The following NKAIN2 variants were observed in gnomAD, a reference collection of about 807,000 sequenced individuals.
NKAIN2 encodes the protein sodium/potassium transporting ATPase interacting 2.
NKAIN2 carries 14 observed loss-of-function variants against 32.6 expected under a neutral mutation model. That is an observed-to-expected ratio of 0.43 (90% CI 0.28 to 0.67). The LOEUF (loss-of-function observed/expected upper bound fraction) is 0.67. NKAIN2 is among the 30% of genes least tolerant of loss of function. NKAIN2 has a pLI of 0.17. For synonymous variants in NKAIN2, 80 were observed against 87.2 expected (o/e 0.92, Z 0.46); for missense variants, 198 against 258.3 (o/e 0.77, Z 1.60).
At chr6:123,956,756 C>T (rs1280169404) in intron 1 of NKAIN2, among the ~76,000 whole-genome samples, 1 of 152,106 alleles carries the variant, frequency 6.6e-6, no homozygotes, top group Non-Finnish European at 1.5e-5. Flanking sequence ...ATCCAAGTTA[C>T]AAGTTGCGTT....
chr6:124,720,033 A>C (rs1041862956), intron 4 of NKAIN2, among the ~76,000 whole-genome samples: 1 of 152,092 alleles, frequency 6.6e-6, no homozygotes, highest in Non-Finnish European at 1.5e-5. Context: ...TTAGATCCTC[A>C]TTCTTTCTTT....
At chr6:124,371,700 A>AC (rs1799769652) in intron 3 of NKAIN2, among the ~76,000 whole-genome samples, 1 of 151,472 alleles carries the variant, frequency 6.6e-6, no homozygotes, top group Non-Finnish European at 1.5e-5. Context: ...TCTCAAAAAA[A>AC]AAAAAAAAAA....
At chr6:124,371,521 G>A (rs767714523) in intron 3 of NKAIN2, among the ~76,000 whole-genome samples, 19 of 151,646 alleles carry the variant, frequency 1.3e-4, no homozygotes, top group South Asian at 4.1e-4. Flanking sequence ...GTGAAACCCC[G>A]TCTCTACTAA....
chr6:124,532,189 G>A (rs998291607), intron 3 of NKAIN2, among the ~76,000 whole-genome samples: 32 of 151,678 alleles, frequency 2.1e-4, no homozygotes, highest in Non-Finnish European at 2.9e-5. Flanking sequence ...CTACTCTCTC[G>A]TTCTAGAAAG....
At chr6:124,415,878 C>CTTTTTTTTTTTTTTTTTTTTCTT in intron 3 of NKAIN2, among the ~76,000 whole-genome samples, 2 of 72,590 alleles carry the variant, frequency 2.8e-5, no homozygotes, top group Non-Finnish European at 2.6e-5. Flanking sequence ...TTTTTATTTG[C>CTTTTTTTTTTTTTTTTTTTTCTT]TTTTTTTTTT....
At chr6:124,146,387 G>A (rs183021220) in intron 1 of NKAIN2, among the ~76,000 whole-genome samples, 102 of 152,076 alleles carry the variant, frequency 6.7e-4, no homozygotes, top group Middle Eastern at 6.8e-3. Context: ...AGATTGTCAA[G>A]CATTAAAAAT....
At position 123,808,325 on chromosome 6, in the gene NKAIN2, T is replaced by G. The variant is rs994014618; in HGVS notation, c.54+4071T>G. On this transcript the variant is annotated intron_variant, in intron 1 of 6. Transcript: ENST00000368417. Reference sequence around the variant, plus strand: ...AAAATCTTGAAGTTGTTAACCAAACTTACTCATGAAGAAGACTGAAAATCC... The same window carrying G: ...AAAATCTTGAAGTTGTTAACCAAACGTACTCATGAAGAAGACTGAAAATCC... Among the ~76,000 whole-genome samples the G allele has an allele frequency of 1.3e-5, 2 of 152,176 alleles. 1 individual carries two copies. The highest frequency in any genetic ancestry group is 2.9e-5 in the Non-Finnish European group (2 of 68,018).
At chr6:124,222,765 A>G (rs942274829) in intron 1 of NKAIN2, among the ~76,000 whole-genome samples, 1 of 152,176 alleles carries the variant, frequency 6.6e-6, no homozygotes, top group African/African-American at 2.4e-5. Context: ...AATGTGTTGC[A>G]TGGCGGAGAA....
intron 2 of NKAIN2, among the ~76,000 whole-genome samples, chr6:124,299,859 T>C (rs189213647): frequency 5.3e-5 from 8 of 152,318 alleles, no homozygotes; most frequent in Admixed American, 5.2e-4. Flanking sequence ...AACAATGAAG[T>C]GTTGTACTTT....
chr6:124,178,947 A>C (rs1161343638), intron 1 of NKAIN2, among the ~76,000 whole-genome samples: 2 of 152,242 alleles, frequency 1.3e-5, no homozygotes, highest in South Asian at 2.1e-4. Flanking sequence ...ACTATCCTTA[A>C]TGAGAGAATG....
intron 1 of NKAIN2, among the ~76,000 whole-genome samples, chr6:124,282,691 C>T (rs1795356526): frequency 6.6e-6 from 1 of 152,180 alleles, no homozygotes; most frequent in African/African-American, 2.4e-5. Flanking sequence ...TGGTTGATGA[C>T]TTCAAATGTT....
chr6:124,808,611 A>G (rs546014687), intron 5 of NKAIN2, among the ~76,000 whole-genome samples: 6 of 152,316 alleles, frequency 3.9e-5, no homozygotes, highest in South Asian at 2.1e-4. Flanking sequence ...CCTATTCAAC[A>G]TAGTGTTGGA....
rs1037874938 is a variant in NKAIN2 at position 124,267,383 on chromosome 6, C to A, written c.55-15622C>A. On this transcript the variant is annotated intron_variant, in intron 1 of 6. Transcript: ENST00000368417. ...TTTCAGCCAGGCACAGTGGCTCATG[C>A]CTGTAATCCCAGCACTTTGGGATGC... Among the ~76,000 whole-genome samples, 17 of 151,464 alleles carry A rather than the reference C, an allele frequency of 1.1e-4. 1 individual carries two copies. The highest frequency in any genetic ancestry group is 6.6e-5 in the Admixed American group (1 of 15,162).
At chr6:124,344,195 C>CT (rs1407811327) in intron 2 of NKAIN2, among the ~76,000 whole-genome samples, 1 of 152,118 alleles carries the variant, frequency 6.6e-6, no homozygotes, top group African/African-American at 2.4e-5. Context: ...ATCTATATCT[C>CT]TGTTTTGGTA....
At chr6:124,556,925 C>T (rs1048438949) in intron 3 of NKAIN2, among the ~76,000 whole-genome samples, 1 of 151,804 alleles carries the variant, frequency 6.6e-6, no homozygotes, top group Non-Finnish European at 1.5e-5. Flanking sequence ...ATCAAGTAAA[C>T]ATTAGCTGTT....
chr6:124,647,122 TAA>T (rs202124479), intron 3 of NKAIN2, among the ~76,000 whole-genome samples: 1 of 150,224 alleles, frequency 6.7e-6, no homozygotes, highest in Admixed American at 6.6e-5. Flanking sequence ...AGGAAAACTG[TAA>T]AAAAAAAGTC....
At chr6:124,287,494 A>G (rs1428822414) in intron 2 of NKAIN2, among the ~76,000 whole-genome samples, 1 of 152,158 alleles carries the variant, frequency 6.6e-6, no homozygotes, top group Admixed American at 6.5e-5. Context: ...GATAATTGGA[A>G]CAAGAACTCA....
At chr6:124,050,889 G>T (rs999678773) in intron 1 of NKAIN2, among the ~76,000 whole-genome samples, 21 of 151,922 alleles carry the variant, frequency 1.4e-4, no homozygotes, top group Admixed American at 1.4e-3. Context: ...TGAGTGATTT[G>T]GGAATTTGGC....
chr6:124,270,091 C>A (rs1445834012), intron 1 of NKAIN2, among the ~76,000 whole-genome samples: 1 of 152,148 alleles, frequency 6.6e-6, no homozygotes, highest in Non-Finnish European at 1.5e-5. Flanking sequence ...CACCAGCATG[C>A]AGGTCACTGT....
Sources: gnomAD v4.1 joint callset for allele counts (sites outside exome capture counted in the v4.1 genomes callset) on GRCh38, gnomAD v4.1.1 for gene constraint, MANE v1.5 for transcripts, NCBI Gene and HGNC (gene_info 2026-07-23, HGNC 2026-07-21) for gene names.